TNIP1: variants seen among roughly 807,000 people sequenced by gnomAD.
TNIP1 encodes the protein TNFAIP3 interacting protein 1, also known as TNFAIP3-interacting protein 1.
Under a neutral mutation model 86.6 loss-of-function variants are expected in TNIP1, and 22 were observed. The ratio of observed to expected loss-of-function variants is 0.25; its 90% CI spans 0.18 to 0.36. The LOEUF (loss-of-function observed/expected upper bound fraction) is 0.36, where lower values mean the gene tolerates loss of function less well. TNIP1 is among the 10% of genes least tolerant of loss of function. The pLI, the probability that TNIP1 is intolerant of heterozygous loss-of-function variation, is 1.00. For synonymous variants in TNIP1, 294 were observed against 313.0 expected, an observed-to-expected ratio of 0.94 and a Z score of 0.64; for missense variants, 709 against 820.6, an observed-to-expected ratio of 0.86 and a Z score of 1.66.
Position 151,049,707 on chromosome 5 carries a change from C to A in TNIP1, c.846+117G>T, listed in dbSNP as rs569039631. On this transcript the variant is annotated intron_variant, in intron 8 of 17. Coordinates refer to ENST00000521591, the MANE Select transcript of TNIP1 (RefSeq NM_006058.5). ...AGAAAAAAACACGTAACAGCTAGAA[C>A]CTTCTACCACTGGCACTGGCTGCAG... The A allele has an allele frequency of 1.4e-5, 18 of 1,281,694 alleles. No individual in the cohort carries two copies. The East Asian group carries it at 2.6e-4, about 18-fold the overall frequency. The allele number at this position is 1,281,694 out of a possible 1,614,324, so 79.4% of individuals were successfully genotyped here. A position where few individuals can be genotyped will look rare whatever the true frequency, so the allele number is the denominator to read the frequency against.
In TNIP1 at chr5:151,059,862, T is replaced by C. The variant is rs1200344403; in HGVS notation, c.435+456A>G. Among the ~76,000 whole-genome samples, 31 of 96,508 alleles carry C rather than the reference T, an allele frequency of 3.2e-4. 1 individual carries two copies. Among genetic ancestry groups the C allele is most frequent in the African/African-American group, 1.4e-3 (28 of 19,666 alleles). 63.3% of individuals were successfully genotyped at this position (96,508 alleles called of 152,430 possible). A position where few individuals can be genotyped will look rare whatever the true frequency, so the allele number is the denominator to read the frequency against. ...GTGTGTGTGTGTGTGTGTGTGTGTGTGTGTGCGCGCGCGCGCGCGCATGCG... is the reference window on the plus strand; with the variant it reads ...GTGTGTGTGTGTGTGTGTGTGTGTGCGTGTGCGCGCGCGCGCGCGCATGCG... On this transcript the variant is annotated intron_variant, in intron 5 of 17. Coordinates refer to ENST00000521591, the MANE Select transcript of TNIP1 (RefSeq NM_006058.5).
chr5:151,057,553 C>T (rs1200280649), intron 5 of TNIP1, among the ~76,000 whole-genome samples: 4 of 152,142 alleles, frequency 2.6e-5, no homozygotes, highest in Admixed American at 2.0e-4. Flanking sequence ...CCTGTCTCTA[C>T]TAAAAATACA....
intron 1 of TNIP1, among the ~76,000 whole-genome samples, chr5:151,074,905 G>A (rs1279685868): frequency 6.6e-6 from 1 of 152,132 alleles, no homozygotes; most frequent in Non-Finnish European, 1.5e-5. Flanking sequence ...AGCCTCTCAA[G>A]TAGCTGGAAC....
chr5:151,038,999 C>G (rs1169830953), intron 12 of TNIP1, 98 bp downstream of exon 12: 6 of 1,478,750 alleles, frequency 4.1e-6, no homozygotes, highest in Non-Finnish European at 5.4e-6. Flanking sequence ...TGGGGGTTAC[C>G]CTTCCTAAGC....
intron 1 of TNIP1, among the ~76,000 whole-genome samples, chr5:151,075,133 TA>T (rs200536118): frequency 2.8e-4 from 42 of 148,154 alleles, no homozygotes; most frequent in South Asian, 1.1e-3. Flanking sequence ...ATGCACACAT[TA>T]AAAAAAAAAC....
intron 12 of TNIP1, among the ~76,000 whole-genome samples, chr5:151,037,835 G>A (rs959559358): frequency 2.6e-5 from 4 of 152,150 alleles, no homozygotes; most frequent in Non-Finnish European, 5.9e-5. Context: ...CCCTAGACAC[G>A]CAAAGAAACT....
chr5:151,058,313 T>C (rs1335986280), intron 5 of TNIP1, among the ~76,000 whole-genome samples: 2 of 152,234 alleles, frequency 1.3e-5, no homozygotes, highest in African/African-American at 4.8e-5. Context: ...GCTTTAGCTA[T>C]TTCAGAAAGT....
chr5:151,063,868 A>G, intron 2 of TNIP1, 121 bp from the exon 3 acceptor site: 7 of 1,278,708 alleles, frequency 5.5e-6, no homozygotes, highest in Non-Finnish European at 7.5e-6. Flanking sequence ...CCTGGACTTC[A>G]CTCCCACCGT....
At chr5:151,053,719 C>T (rs904761820) in intron 6 of TNIP1, among the ~76,000 whole-genome samples, 1 of 152,234 alleles carries the variant, frequency 6.6e-6, no homozygotes. Context: ...TCTCCATATA[C>T]TGCCTCACTG....
Position 151,056,543 on chromosome 5 carries a change from C to T in TNIP1, c.627+223G>A, listed in dbSNP as rs369136152. 5.1e-4 allele frequency among the ~76,000 whole-genome samples: 77 copies of T among 152,308 alleles called. 1 individual carries two copies. Among genetic ancestry groups the T allele is most frequent in the South Asian group, 4.1e-4 (2 of 4,822 alleles). ...TGGGGGTATCCCCAACCATGACACTCGCATTGCCCATCCCGTATTTCCCCA... is the reference window on the plus strand; with the variant it reads ...TGGGGGTATCCCCAACCATGACACTTGCATTGCCCATCCCGTATTTCCCCA... On this transcript the variant is annotated intron_variant, in intron 6 of 17. Coordinates refer to ENST00000521591, the MANE Select transcript of TNIP1 (RefSeq NM_006058.5).
intron 5 of TNIP1, among the ~76,000 whole-genome samples, chr5:151,058,003 C>T (rs1343631991): frequency 6.6e-6 from 1 of 152,176 alleles, no homozygotes; most frequent in East Asian, 1.9e-4. Context: ...GTCCTGCAAC[C>T]TCCGCCTCCT....
chr5:151,060,250 C>A, intron 5 of TNIP1, 68 bp downstream of exon 5: 1 of 1,552,654 alleles, frequency 6.4e-7, no homozygotes, highest in African/African-American at 1.4e-5. Flanking sequence ...GTGCCTCTCA[C>A]ATGGTAGCAA....
At chr5:151,048,375 C>G (rs1218433520) in intron 8 of TNIP1, among the ~76,000 whole-genome samples, 3 of 143,952 alleles carry the variant, frequency 2.1e-5, no homozygotes, top group African/African-American at 7.6e-5. Flanking sequence ...ATCCTCACAA[C>G]CACCCCTTGA....
rs115586294 is a variant in TNIP1, at chr5:151,040,177, T to C, written c.1135-952A>G. ...CCCAAATAAACTATATATTCCTATGTGTACATATATGCGAGAAAGGTCTGG... is the reference window on the plus strand; with the variant it reads ...CCCAAATAAACTATATATTCCTATGCGTACATATATGCGAGAAAGGTCTGG... On this transcript the variant is annotated intron_variant, in intron 11 of 17. Coordinates refer to ENST00000521591, the MANE Select transcript of TNIP1 (RefSeq NM_006058.5). Among the ~76,000 whole-genome samples, 335 of 152,326 alleles carry C rather than the reference T, an allele frequency of 2.2e-3. 2 individuals are homozygous for C. Among genetic ancestry groups the C allele is most frequent in the Non-Finnish European group, 3.1e-3 (208 of 68,034 alleles).
intron 4 of TNIP1, among the ~76,000 whole-genome samples, chr5:151,061,624 G>C (rs1167747923): frequency 6.6e-6 from 1 of 152,054 alleles, no homozygotes; most frequent in Non-Finnish European, 1.5e-5. Flanking sequence ...TGGAACCACA[G>C]ACATACACCA....
intron 1 of TNIP1, among the ~76,000 whole-genome samples, chr5:151,079,748 G>A (rs1451149446): frequency 6.6e-6 from 1 of 152,146 alleles, no homozygotes; most frequent in Non-Finnish European, 1.5e-5. Flanking sequence ...GACCACCACG[G>A]GGATGCTGAG....
intron 9 of TNIP1, among the ~76,000 whole-genome samples, chr5:151,043,405 A>C (rs769960411): frequency 1.3e-5 from 2 of 152,254 alleles, no homozygotes; most frequent in Non-Finnish European, 2.9e-5. Flanking sequence ...AAAAAAATCC[A>C]GAGGCCAATC....
intron 11 of TNIP1, 38 bp downstream of exon 11, chr5:151,042,502 G>A (rs147517790): frequency 1.1e-4 from 178 of 1,601,106 alleles, no homozygotes; most frequent in Non-Finnish European, 1.5e-4. Context: ...CTAATGTGGA[G>A]GGGAACTGAC....
intron 12 of TNIP1, among the ~76,000 whole-genome samples, chr5:151,037,852 C>A (rs912073325): frequency 6.6e-6 from 1 of 152,190 alleles, no homozygotes; most frequent in Admixed American, 6.5e-5. Flanking sequence ...AACTGCAGGA[C>A]CGAGAGTAAA....
Sources: allele counts gnomAD v4.1 joint callset (sites outside exome capture counted in the v4.1 genomes callset), GRCh38; gene constraint gnomAD v4.1.1; transcripts MANE v1.5; gene names NCBI Gene and HGNC (gene_info 2026-07-23, HGNC 2026-07-21).